OVAAL: variants seen among roughly 807,000 people sequenced by gnomAD.
The protein encoded by OVAAL is long intergenic non-protein coding RNA 1131.
intron 2 of OVAAL, among the ~76,000 whole-genome samples, chr1:180,564,140 A>G (rs1022158153): frequency 6.6e-6 from 1 of 152,192 alleles, no homozygotes; most frequent in Admixed American, 6.5e-5. Flanking sequence ...TGGATAATCA[A>G]TATCTACAGC....
intron 1 of OVAAL, among the ~76,000 whole-genome samples, chr1:180,560,179 AT>A (rs1469686861): frequency 4.6e-5 from 7 of 152,158 alleles, no homozygotes; most frequent in Non-Finnish European, 1.0e-4. Flanking sequence ...TCCCCAAGAT[AT>A]GAGCTGAGGG....
chr1:180,562,326 A>C (rs771549534), exon 2 of OVAAL: 2 of 152,254 alleles, frequency 1.3e-5, no homozygotes, highest in Non-Finnish European at 2.9e-5. Context: ...CTGTGACTAT[A>C]TGTGGTACTC....
At chr1:180,562,528 G>A (rs1339883744) in intron 2 of OVAAL, among the ~76,000 whole-genome samples, 3 of 152,106 alleles carry the variant, frequency 2.0e-5, no homozygotes, top group Admixed American at 6.5e-5. Flanking sequence ...AGAGCTGTAC[G>A]AATGCTGTAA....
chr1:180,559,995 C>G (rs969121214), intron 1 of OVAAL, among the ~76,000 whole-genome samples: 25 of 151,994 alleles, frequency 1.6e-4, no homozygotes, highest in African/African-American at 6.0e-4. Flanking sequence ...TTAGTGGTTA[C>G]TATGTGCCAG....
At chr1:180,559,682 T>C (rs6697589) in intron 1 of OVAAL, among the ~76,000 whole-genome samples, 102,053 of 151,688 alleles carry the variant, frequency 0.67, 34,935 homozygotes, top group East Asian at 0.87. Flanking sequence ...CCGAGGTGGG[T>C]GGATCACGAG....
chr1:180,560,824 A>G (rs1653188883), intron 1 of OVAAL, among the ~76,000 whole-genome samples: 1 of 152,246 alleles, frequency 6.6e-6, no homozygotes, highest in African/African-American at 2.4e-5. Flanking sequence ...ATAGTTAGTA[A>G]CTTACATAGT....
intron 1 of OVAAL, among the ~76,000 whole-genome samples, chr1:180,560,317 C>T (rs1164533226): frequency 1.3e-5 from 2 of 151,972 alleles, no homozygotes; most frequent in Non-Finnish European, 2.9e-5. Flanking sequence ...CACAAGCACT[C>T]GATATAAGAA....
In OVAAL at chr1:180,559,362, T is replaced by C. The variant is rs566828765; in HGVS notation, n.373-2842T>C. On this transcript the variant is annotated intron_variant and non_coding_transcript_variant, in intron 1 of 2. Coordinates refer to ENST00000673955, the Ensembl canonical transcript of OVAAL. The stretch of plus-strand genomic sequence containing the variant: ...AGGCTGAGGTGGTCTCAGATGGAGA[T>C]GAGGAACTTATTGGGAACTGGAGCA... 5.9e-5 allele frequency among the ~76,000 whole-genome samples: 9 copies of C among 152,274 alleles called. 1 individual carries two copies. The South Asian group carries it at 1.2e-3, about 21-fold the overall frequency.
In OVAAL at chr1:180,565,836, AGGACAAGTG is replaced by A. The variant is rs957966117; in HGVS notation, n.1105_1113del. The A allele has an allele frequency of 4.5e-4, 68 of 152,326 alleles. 1 individual carries two copies. Among genetic ancestry groups the A allele is most frequent in the African/African-American group, 1.5e-3 (62 of 41,570 alleles). The allele number at this position is 152,326 out of a possible 1,614,324, so 9.4% of individuals were successfully genotyped here. ...AATAATAAAAATAAGAAGAATCTGA[AGGACAAGTG>A]GGACAGAAATACTCAAGCAGAATGA... is the stretch of plus-strand genomic sequence containing the variant. On this transcript the variant is annotated non_coding_transcript_exon_variant, in exon 3 of 3. Transcript: ENST00000673955.
intron 2 of OVAAL, among the ~76,000 whole-genome samples, chr1:180,564,107 A>G (rs1159299459): frequency 5.3e-5 from 8 of 152,108 alleles, no homozygotes; most frequent in Admixed American, 2.6e-4. Flanking sequence ...TGTTGGCAAA[A>G]CAGGTGTGAA....
At chr1:180,561,099 G>T (rs1172362277) in intron 1 of OVAAL, among the ~76,000 whole-genome samples, 1 of 152,096 alleles carries the variant, frequency 6.6e-6, no homozygotes, top group African/African-American at 2.4e-5. Context: ...AGGAACCAGG[G>T]TTATCTGGTA....
chr1:180,559,597 C>G (rs1653165509), intron 1 of OVAAL, among the ~76,000 whole-genome samples: 1 of 151,962 alleles, frequency 6.6e-6, no homozygotes, highest in Admixed American at 6.6e-5. Context: ...AAATTTGCAG[C>G]CTGACAATGC....
chr1:180,565,295 G>A (rs1178334360), exon 3 of OVAAL: 1 of 152,352 alleles, frequency 6.6e-6, no homozygotes, highest in Non-Finnish European at 1.5e-5. Flanking sequence ...TATTGGCTTG[G>A]ACTGAAGACC....
At chr1:180,565,860 A>G (rs1178212993) in exon 3 of OVAAL, 1 of 152,182 alleles carries the variant, frequency 6.6e-6, no homozygotes, top group African/African-American at 2.4e-5. Flanking sequence ...AGAAATACTC[A>G]AGCAGAATGA....
intron 1 of OVAAL, among the ~76,000 whole-genome samples, chr1:180,562,023 CA>C (rs111640712): frequency 0.073 from 8,979 of 122,418 alleles, 303 homozygotes; most frequent in South Asian, 0.094. Flanking sequence ...AACTCCATCT[CA>C]AAAAAAAAAA....
intron 1 of OVAAL, among the ~76,000 whole-genome samples, chr1:180,560,633 A>G (rs1026614770): frequency 2.6e-5 from 4 of 152,214 alleles, no homozygotes; most frequent in Admixed American, 2.0e-4. Context: ...ATAGATCTAC[A>G]TAGTTCACAT....
chr1:180,562,556 C>T (rs989895691), intron 2 of OVAAL, among the ~76,000 whole-genome samples: 1 of 152,000 alleles, frequency 6.6e-6, no homozygotes, highest in African/African-American at 2.4e-5. Flanking sequence ...ATCTATAAAG[C>T]CCTAAGTCAA....
intron 2 of OVAAL, among the ~76,000 whole-genome samples, chr1:180,563,246 T>A (rs918689784): frequency 3.9e-5 from 6 of 151,972 alleles, no homozygotes; most frequent in African/African-American, 1.5e-4. Flanking sequence ...CCGGGTGGAG[T>A]TCACGTTCTG....
At chr1:180,559,076 C>G (rs1653153526) in intron 1 of OVAAL, 3 of 156,134 alleles carry the variant, frequency 1.9e-5, no homozygotes, top group Non-Finnish European at 4.2e-5. Context: ...TCAAATAAAC[C>G]TTTTTCTTCC....
Sources: allele counts gnomAD v4.1 joint callset (sites outside exome capture counted in the v4.1 genomes callset), GRCh38; gene constraint gnomAD v4.1.1; transcripts MANE v1.5; gene names NCBI Gene and HGNC (gene_info 2026-07-23, HGNC 2026-07-21).